MTHFD1: variants seen among roughly 807,000 people sequenced by gnomAD.
The protein encoded by MTHFD1 is methylenetetrahydrofolate dehydrogenase, cyclohydrolase and formyltetrahydrofolate synthetase 1.
In MTHFD1, 44 loss-of-function variants were observed where a neutral mutation model predicts 110.3. The ratio of observed to expected loss-of-function variants is 0.40; its 90% CI spans 0.31 to 0.51. MTHFD1 has a LOEUF of 0.51. Among genes scored for constraint, MTHFD1 ranks in the 20% least tolerant of loss-of-function variants. The pLI is 0.60. For missense variants in MTHFD1, 909 were observed against 1,173.1 expected (o/e 0.77, Z 3.29); for synonymous variants, 402 against 428.8 (o/e 0.94, Z 0.77).
At chr14:64,452,287 C>T (rs2078385398) in intron 24 of MTHFD1, among the ~76,000 whole-genome samples, 2 of 152,208 alleles carry the variant, frequency 1.3e-5, no homozygotes, top group African/African-American at 4.8e-5. Flanking sequence ...AAGTGCAAAA[C>T]TCTGTCTCAA....
At chr14:64,449,697 A>G (rs768687657) in intron 24 of MTHFD1, 75 bp downstream of exon 24, 103 of 1,515,642 alleles carry the variant, frequency 6.8e-5, no homozygotes, top group Non-Finnish European at 8.6e-5. Context: ...GGCTACTTCT[A>G]TTAGAGCCCC....
chr14:64,390,045 T>C (rs1326572791), intron 1 of MTHFD1, among the ~76,000 whole-genome samples: 3 of 152,246 alleles, frequency 2.0e-5, no homozygotes, highest in East Asian at 3.9e-4. Flanking sequence ...ACATGTATTG[T>C]CTTATTTTTG....
At chr14:64,427,090 C>G (rs1417606761) in intron 11 of MTHFD1, among the ~76,000 whole-genome samples, 1 of 151,022 alleles carries the variant, frequency 6.6e-6, no homozygotes, top group Non-Finnish European at 1.5e-5. Flanking sequence ...GGGGTTTGCT[C>G]TGTTGCCCAG....
chr14:64,440,070 TCA>T, intron 17 of MTHFD1, 54 bp from the exon 18 acceptor site: 1 of 1,568,534 alleles, frequency 6.4e-7, no homozygotes, highest in Non-Finnish European at 8.7e-7. Flanking sequence ...CTTTTGCAAT[TCA>T]CACTTCTGGT....
intron 17 of MTHFD1, among the ~76,000 whole-genome samples, chr14:64,439,812 T>G (rs58001647): frequency 0.26 from 38,050 of 147,880 alleles, 4,960 homozygotes; most frequent in East Asian, 0.37. Context: ...GAAAATTGCC[T>G]GAACCCAGGA....
At chr14:64,454,997 G>A (rs1181259411) in intron 26 of MTHFD1, 122 bp downstream of exon 26, 22 of 1,019,274 alleles carry the variant, frequency 2.2e-5, no homozygotes, top group Admixed American at 3.4e-5. Context: ...AATTGGAATC[G>A]GGCCTATTAT....
chr14:64,415,308 A>G (rs1345158488), intron 4 of MTHFD1, 50 bp from the exon 5 acceptor site: 5 of 1,544,292 alleles, frequency 3.2e-6, no homozygotes, highest in Non-Finnish European at 4.5e-6. Context: ...GTTTCTTCCT[A>G]CCTTTTGATT....
chr14:64,433,945 G>A (rs775690090), intron 15 of MTHFD1, among the ~76,000 whole-genome samples: 1 of 151,930 alleles, frequency 6.6e-6, no homozygotes, highest in Non-Finnish European at 1.5e-5. Flanking sequence ...CAAGAGAATC[G>A]CTTGAACCTG....
intron 26 of MTHFD1, 192 bp from the exon 27 acceptor site, chr14:64,458,022 C>G (rs2078502974): frequency 6.4e-6 from 4 of 621,536 alleles, no homozygotes; most frequent in Non-Finnish European, 1.2e-5. Context: ...TCCCAAGTAG[C>G]TGGAACTACA....
At chr14:64,457,385 C>A (rs1393753411) in intron 26 of MTHFD1, among the ~76,000 whole-genome samples, 1 of 152,090 alleles carries the variant, frequency 6.6e-6, no homozygotes, top group Admixed American at 6.6e-5. Flanking sequence ...CTGCTTGTGA[C>A]CACATGGAAG....
Position 64,392,926 on chromosome 14 carries a change from C to CA in MTHFD1, c.41+4461dup, listed in dbSNP as rs774341387. Among the ~76,000 whole-genome samples the CA allele has an allele frequency of 8.5e-5, 13 of 152,264 alleles. No homozygotes were observed. In the South Asian group the frequency reaches 1.4e-3, roughly 17 times the overall value. ...TAAAATTAGAATTTATCCTAGTGAT[C>CA]AAAGATAAAAGTTTGGAACCTTGGC... On this transcript the variant is annotated intron_variant, in intron 1 of 27. Coordinates refer to ENST00000652337, the MANE Select transcript of MTHFD1 (RefSeq NM_005956.4).
chr14:64,422,331 C>T lies in MTHFD1; in HGVS notation c.727+2406C>T, dbSNP rs185380675. Among the ~76,000 whole-genome samples, 8 of 152,184 alleles carry T rather than the reference C, an allele frequency of 5.3e-5. No homozygotes were observed. The East Asian group carries it at 9.6e-4, about 18-fold the overall frequency. Reference sequence around the variant, plus strand: ...CTTTAGAAGCAAACTTTTCTACCACCGAGCTACTTCTTGGTTCATATTTTG... The same window carrying T: ...CTTTAGAAGCAAACTTTTCTACCACTGAGCTACTTCTTGGTTCATATTTTG... On this transcript the variant is annotated intron_variant, in intron 8 of 27. Coordinates refer to ENST00000652337, the MANE Select transcript of MTHFD1 (RefSeq NM_005956.4).
chr14:64,400,380 C>G (rs1420899968), intron 1 of MTHFD1, among the ~76,000 whole-genome samples: 2 of 135,232 alleles, frequency 1.5e-5, no homozygotes, highest in African/African-American at 5.6e-5. Flanking sequence ...GAGAGCAAAA[C>G]TTGGTCTCAA....
At chr14:64,446,107 T>C (rs2078287458) in intron 22 of MTHFD1, among the ~76,000 whole-genome samples, 1 of 152,330 alleles carries the variant, frequency 6.6e-6, no homozygotes, top group East Asian at 1.9e-4. Context: ...ATTTAATGTA[T>C]TGTTAAGCCT....
chr14:64,444,716 C>T lies in MTHFD1; in HGVS notation c.2160C>T (p.Pro720=). ...GPTVTAGLPL[P]KAYIQENLEL... ...AGGTCACTGCTGGACTGCCTCTTCC[C>T]AAGGCTTACATACAGGAGGTAACCT... The change falls in exon 22 of 28, where the codon CCC becomes CCT. Residue 720 remains proline (P), a synonymous_variant. Coordinates refer to ENST00000652337, the MANE Select transcript of MTHFD1 (RefSeq NM_005956.4). 2.5e-6 allele frequency: 4 copies of T among 1,614,102 alleles called. No homozygotes were observed. Among genetic ancestry groups the T allele is most frequent in the Non-Finnish European group, 3.4e-6 (4 of 1,179,982 alleles).
intron 17 of MTHFD1, among the ~76,000 whole-genome samples, chr14:64,439,894 CA>C (rs760527922): frequency 0.023 from 1,281 of 56,646 alleles, 15 homozygotes; most frequent in African/African-American, 0.059. Context: ...ACTCTGTCTC[CA>C]AAAAAAAAAA....
chr14:64,449,512 G>A lies in MTHFD1; in HGVS notation c.2347G>A (p.Val783Met), dbSNP rs1029133044. ...CAGAGAACATGGGGCTTTTGATGCC[G>A]TGAAGTGCACTCACTGGGCAGAAGG... Reference protein sequence around the residue: ...LSREHGAFDAVKCTHWAEGGK... With the variant: ...LSREHGAFDAMKCTHWAEGGK... Residue 783 changes from valine (V) to methionine (M), a missense_variant, in exon 24 of 28, where the codon GTG (valine) becomes ATG (methionine). Val to Met is a conservative substitution (Grantham distance 21, BLOSUM62 1). Around this residue, in one of 3 missense-constraint regions of MTHFD1, gnomAD observed 482 missense variants for 646.0 expected, o/e 0.75. Coordinates refer to ENST00000652337, the MANE Select transcript of MTHFD1 (RefSeq NM_005956.4). The A allele has an allele frequency of 6.2e-6, 10 of 1,614,174 alleles. No homozygotes were observed. Among genetic ancestry groups the A allele is most frequent in the East Asian group, 2.2e-5 (1 of 44,888 alleles).
At chr14:64,446,540 TTTTTGTTTTG>T (rs1159937055) in intron 22 of MTHFD1, among the ~76,000 whole-genome samples, 1 of 152,122 alleles carries the variant, frequency 6.6e-6, no homozygotes, top group Non-Finnish European at 1.5e-5. Context: ...TTGGTGGGTT[TTTTTGTTTTG>T]TTTTGTTTTG....
chr14:64,444,855 A>C, intron 22 of MTHFD1, 121 bp downstream of exon 22: 1 of 1,020,898 alleles, frequency 9.8e-7, no homozygotes, highest in Non-Finnish European at 1.5e-6. Flanking sequence ...GCAGGGTGCC[A>C]AAAGGCCTGC....
Sources: allele counts gnomAD v4.1 joint callset (sites outside exome capture counted in the v4.1 genomes callset), GRCh38; gene constraint gnomAD v4.1.1; regional missense constraint gnomAD v4.1.1; transcripts MANE v1.5; gene names NCBI Gene and HGNC (gene_info 2026-07-23, HGNC 2026-07-21).